Variants in GNAL observed in about 807,000 individuals in gnomAD.
GNAL encodes G protein subunit alpha L.
Under a neutral mutation model 55.1 loss-of-function variants are expected in GNAL, and 18 were observed. That is an observed-to-expected ratio of 0.33 (90% CI 0.23 to 0.48). The LOEUF is 0.48. Among genes scored for constraint, GNAL ranks in the 20% least tolerant of loss-of-function variants. The pLI is 0.99. For synonymous variants in GNAL, 253 were observed against 237.0 expected (o/e 1.07, Z -0.62); for missense variants, 412 against 614.1 (o/e 0.67, Z 3.48).
intron 4 of GNAL, among the ~76,000 whole-genome samples, chr18:11,793,914 A>AGG (rs2034307260): frequency 2.0e-5 from 3 of 150,492 alleles, no homozygotes; most frequent in Middle Eastern, 3.4e-3. Context: ...ATCTCGGGAA[A>AGG]AAAAAAAAAA....
chr18:11,884,684 A>C lies in GNAL; in HGVS notation c.*3549A>C. On this transcript the variant is annotated 3_prime_UTR_variant, in exon 12 of 12. Transcript: ENST00000334049. ...GCACCAGGCACACGTTGAACACCGC[A>C]GTCTTAGAAACAGCAGAGGGAAGAC... 1 of 1,550,276 alleles carries C rather than the reference A, an allele frequency of 6.5e-7. No homozygotes were observed. The highest frequency in any genetic ancestry group is 8.9e-7 in the Non-Finnish European group (1 of 1,128,116).
chr18:11,851,325 G>A lies in GNAL; in HGVS notation c.723-11070G>A. The A allele has an allele frequency of 8.8e-6, 6 of 682,866 alleles. No homozygotes were observed. The South Asian group carries it at 1.4e-4, about 16-fold the overall frequency. 42.3% of individuals were successfully genotyped at this position (682,866 alleles called of 1,614,324 possible). On this transcript the variant is annotated intron_variant, in intron 5 of 11. Transcript: ENST00000334049. ...TCTTACGTCCCACAGGCCCCACCCC[G>A]GCGCCTTCCGTCCCGCAGGCTCCGC...
intron 4 of GNAL, among the ~76,000 whole-genome samples, chr18:11,791,653 G>T (rs1174257177): frequency 6.6e-6 from 1 of 152,218 alleles, no homozygotes; most frequent in East Asian, 1.9e-4. Context: ...ATTTAGGAAA[G>T]ACTTTATATT....
chr18:11,848,157 ATC>A (rs2143767251), intron 5 of GNAL, among the ~76,000 whole-genome samples: 1 of 152,292 alleles, frequency 6.6e-6, no homozygotes, highest in East Asian at 1.9e-4. Context: ...TCAGAAGCAA[ATC>A]TCTCCGTGGA....
intron 5 of GNAL, chr18:11,851,333 C>T: frequency 1.3e-6 from 1 of 779,570 alleles, no homozygotes; most frequent in East Asian, 2.9e-5. Flanking sequence ...CCGGCGCCTT[C>T]CGTCCCGCAG....
chr18:11,742,229 A>G (rs2032592111), intron 1 of GNAL, among the ~76,000 whole-genome samples: 1 of 152,216 alleles, frequency 6.6e-6, no homozygotes, highest in Non-Finnish European at 1.5e-5. Context: ...ACCGTACTAT[A>G]GTTCGTTGTT....
intron 11 of GNAL, among the ~76,000 whole-genome samples, chr18:11,877,801 T>C (rs970815740): frequency 6.6e-6 from 1 of 152,182 alleles, no homozygotes; most frequent in African/African-American, 2.4e-5. Context: ...TCTTGAATCC[T>C]ACAGTGAGTT....
chr18:11,768,220 G>C (rs1320181188), intron 4 of GNAL, among the ~76,000 whole-genome samples: 1 of 152,190 alleles, frequency 6.6e-6, no homozygotes, highest in African/African-American at 2.4e-5. Context: ...ACCGTACTCA[G>C]GACCATGAGT....
intron 4 of GNAL, among the ~76,000 whole-genome samples, chr18:11,801,368 T>C (rs974276912): frequency 6.6e-6 from 1 of 152,178 alleles, no homozygotes; most frequent in Non-Finnish European, 1.5e-5. Flanking sequence ...CTCGCCAGCA[T>C]GGTGAAACCC....
intron 1 of GNAL, among the ~76,000 whole-genome samples, chr18:11,738,536 T>C (rs1040892114): frequency 1.1e-4 from 17 of 151,952 alleles, no homozygotes; most frequent in African/African-American, 4.1e-4. Context: ...CAACCTCCAC[T>C]TCCCGGATTC....
intron 1 of GNAL, 138 bp downstream of exon 1, chr18:11,690,077 G>C (rs1274035474): frequency 2.3e-6 from 1 of 426,110 alleles, no homozygotes; most frequent in African/African-American, 2.3e-5. Flanking sequence ...ACTGGACCCG[G>C]ACGGGCGGCG....
intron 1 of GNAL, among the ~76,000 whole-genome samples, chr18:11,722,443 C>A (rs1390277913): frequency 6.6e-6 from 1 of 152,184 alleles, no homozygotes; most frequent in Non-Finnish European, 1.5e-5. Context: ...GATATAGCAT[C>A]ATTGCATAGT....
chr18:11,799,353 G>A (rs1270611859), intron 4 of GNAL, among the ~76,000 whole-genome samples: 5 of 152,138 alleles, frequency 3.3e-5, no homozygotes, highest in Non-Finnish European at 4.4e-5. Flanking sequence ...CGCCTTCCAT[G>A]ATATCTGTTC....
chr18:11,884,761 G>A lies in GNAL; in HGVS notation c.*3626G>A. 1 of 1,318,524 alleles carries A rather than the reference G, an allele frequency of 7.6e-7. No individual in the cohort carries two copies. The highest frequency in any genetic ancestry group is 1.0e-6 in the Non-Finnish European group (1 of 984,856). The allele number at this position is 1,318,524 out of a possible 1,614,324, so 81.7% of individuals were successfully genotyped here. A position where few individuals can be genotyped will look rare whatever the true frequency, so the allele number is the denominator to read the frequency against. On this transcript the variant is annotated 3_prime_UTR_variant, in exon 12 of 12. Transcript: ENST00000334049. The stretch of plus-strand genomic sequence containing the variant: ...GGCAGGGAACGGGCCCTCCTCACCT[G>A]AGACCAAGGGGGCCCAGCCTTCTCC...
At chr18:11,848,703 C>G (rs907703694) in intron 5 of GNAL, among the ~76,000 whole-genome samples, 2 of 152,090 alleles carry the variant, frequency 1.3e-5, no homozygotes, top group African/African-American at 2.4e-5. Context: ...GCGATCCACC[C>G]ACCTCAGCCC....
intron 1 of GNAL, among the ~76,000 whole-genome samples, chr18:11,733,476 T>C (rs1381911411): frequency 6.6e-6 from 1 of 152,220 alleles, no homozygotes; most frequent in Non-Finnish European, 1.5e-5. Flanking sequence ...AGCCTCTCAC[T>C]GGTGTGTTCT....
chr18:11,728,489 T>A (rs1336035048), intron 1 of GNAL, among the ~76,000 whole-genome samples: 1 of 152,170 alleles, frequency 6.6e-6, no homozygotes, highest in African/African-American at 2.4e-5. Flanking sequence ...TCCACCTTCA[T>A]CAAGTCTCAG....
At chr18:11,864,491 A>G (rs375196722) in intron 6 of GNAL, 42 bp from the exon 7 acceptor site, 44 of 974,066 alleles carry the variant, frequency 4.5e-5, no homozygotes, top group Non-Finnish European at 7.2e-5. Flanking sequence ...TTGAAGAAGA[A>G]CAGTAATGTA....
chr18:11,880,877 A>G, intron 11 of GNAL, 112 bp from the exon 12 acceptor site: 1 of 1,132,568 alleles, frequency 8.8e-7, no homozygotes, highest in Non-Finnish European at 1.3e-6. Flanking sequence ...CCCATGCAAA[A>G]CAAGCAGGCC....
Sources: gnomAD v4.1 joint callset for allele counts (sites outside exome capture counted in the v4.1 genomes callset) on GRCh38, gnomAD v4.1.1 for gene constraint, MANE v1.5 for transcripts, NCBI Gene and HGNC (gene_info 2026-07-23, HGNC 2026-07-21) for gene names.